The following SCARA3 variants were observed in gnomAD, a reference collection of about 807,000 sequenced individuals.
SCARA3 encodes cellular stress response gene protein.
Under a neutral mutation model 47.0 loss-of-function variants are expected in SCARA3, and 39 were observed. That is an observed-to-expected ratio of 0.83 (90% confidence interval 0.64 to 1.08). SCARA3 has a LOEUF of 1.08. Ranked by LOEUF, SCARA3 falls within the 50% of genes least tolerant of loss-of-function variation. SCARA3 has a pLI of 0.00. For synonymous variants in SCARA3, 356 were observed against 334.1 expected (o/e 1.07, Z -0.71); for missense variants, 724 against 792.3 (o/e 0.91, Z 1.04).
chr8:27,727,311 C>A, the SCARA3 span, among the ~76,000 whole-genome samples: 2 of 152,198 alleles, frequency 1.3e-5, no homozygotes, highest in Non-Finnish European at 1.5e-5. Flanking sequence ...AGCTTTGAAA[C>A]CCCCCTTGAA....
chr8:27,639,442 GTTGGAT>G (rs1801334139), intron 1 of SCARA3, among the ~76,000 whole-genome samples: 1 of 152,166 alleles, frequency 6.6e-6, no homozygotes, highest in Non-Finnish European at 1.5e-5. Context: ...GTGGGGAGGA[GTTGGAT>G]GGGGTCAGTG....
At chr8:27,664,208 AT>A (rs1235947021) in intron 5 of SCARA3, among the ~76,000 whole-genome samples, 24 of 152,230 alleles carry the variant, frequency 1.6e-4, no homozygotes, top group African/African-American at 5.3e-4. Context: ...CTAGGGCACA[AT>A]GTTCCAGGGA....
intron 5 of SCARA3, among the ~76,000 whole-genome samples, chr8:27,669,659 G>A (rs1026860573): frequency 2.0e-5 from 3 of 152,270 alleles, no homozygotes; most frequent in South Asian, 2.1e-4. Context: ...TCCCCGTGGC[G>A]GGAGGTGGGC....
chr8:27,661,801 T>C (rs1362103403), intron 5 of SCARA3, among the ~76,000 whole-genome samples: 1 of 152,148 alleles, frequency 6.6e-6, no homozygotes, highest in Non-Finnish European at 1.5e-5. Context: ...GTCTGGGCTA[T>C]AGTATTTCTA....
the SCARA3 span, among the ~76,000 whole-genome samples, chr8:27,708,295 G>A: frequency 2.0e-5 from 3 of 152,054 alleles, no homozygotes; most frequent in Non-Finnish European, 2.9e-5. Flanking sequence ...TGAAAATATG[G>A]GCAATTAATA....
the SCARA3 span, among the ~76,000 whole-genome samples, chr8:27,693,665 C>G: frequency 1.3e-5 from 2 of 152,276 alleles, no homozygotes; most frequent in African/African-American, 4.8e-5. Flanking sequence ...CCTCATTATA[C>G]CCCTCAGCAT....
At chr8:27,648,095 C>T (rs1321206451) in intron 1 of SCARA3, among the ~76,000 whole-genome samples, 1 of 152,258 alleles carries the variant, frequency 6.6e-6, no homozygotes, top group East Asian at 1.9e-4. Flanking sequence ...TTTGTGGAAC[C>T]TTTGCTCATT....
chr8:27,678,378 A>G (rs1255684583), downstream of SCARA3, among the ~76,000 whole-genome samples: 1 of 152,220 alleles, frequency 6.6e-6, no homozygotes, highest in African/African-American at 2.4e-5. Flanking sequence ...AAAGGATAGT[A>G]ACAGAATATT....
chr8:27,720,417 C>T, the SCARA3 span, among the ~76,000 whole-genome samples: 1 of 152,130 alleles, frequency 6.6e-6, no homozygotes, highest in Non-Finnish European at 1.5e-5. Context: ...GTGACCCTAC[C>T]ACTTAAGCTT....
chr8:27,681,578 C>T (rs1802356745), downstream of SCARA3, among the ~76,000 whole-genome samples: 1 of 152,018 alleles, frequency 6.6e-6, no homozygotes, highest in Non-Finnish European at 1.5e-5. Context: ...AAATAATAGC[C>T]AGGTGTGGTG....
chr8:27,691,600 T>C, the SCARA3 span, among the ~76,000 whole-genome samples: 3 of 152,182 alleles, frequency 2.0e-5, no homozygotes, highest in African/African-American at 7.2e-5. Context: ...ATCCTACCTC[T>C]GGCAATTCCT....
chr8:27,676,724 G>A, downstream of SCARA3: 14 of 561,952 alleles, frequency 2.5e-5, no homozygotes, highest in South Asian at 7.2e-5. Flanking sequence ...AGCCAATTGT[G>A]GTACATGAAA....
chr8:27,640,950 G>A (rs1207291730), intron 1 of SCARA3, among the ~76,000 whole-genome samples: 1 of 152,200 alleles, frequency 6.6e-6, no homozygotes, highest in Non-Finnish European at 1.5e-5. Flanking sequence ...TCCTGCCTTA[G>A]CCTCCCAAAA....
At chr8:27,660,505 ATAGG>A (rs1270437842) in intron 5 of SCARA3, among the ~76,000 whole-genome samples, 2 of 147,332 alleles carry the variant, frequency 1.4e-5, no homozygotes, top group East Asian at 2.1e-4. Flanking sequence ...AGATAGATAG[ATAGG>A]ATAGAGATAA....
At chr8:27,683,054 C>T in the SCARA3 span, among the ~76,000 whole-genome samples, 8 of 151,808 alleles carry the variant, frequency 5.3e-5, no homozygotes, top group African/African-American at 1.9e-4. Context: ...AAACAAATGT[C>T]GATCATCAGG....
intron 4 of SCARA3, among the ~76,000 whole-genome samples, chr8:27,658,051 G>GTATTGGTATA (rs1801780316): frequency 6.6e-6 from 1 of 152,170 alleles, no homozygotes; most frequent in African/African-American, 2.4e-5. Flanking sequence ...GAAGGTTCTG[G>GTATTGGTATA]TCTGGCACCA....
At chr8:27,729,837 G>A in the SCARA3 span, among the ~76,000 whole-genome samples, 1 of 152,160 alleles carries the variant, frequency 6.6e-6, no homozygotes. Flanking sequence ...AAAAGGAGCA[G>A]AGCTGTATCC....
Position 27,671,573 on chromosome 8 carries a change from C to T in SCARA3, c.*222C>T, listed in dbSNP as rs1328872048. 5 of 1,262,736 alleles carry T rather than the reference C, an allele frequency of 4.0e-6. No homozygotes were observed. The highest frequency in any genetic ancestry group is 5.0e-6 in the Non-Finnish European group (5 of 1,007,126). The allele number at this position is 1,262,736 out of a possible 1,614,324, so 78.2% of individuals were successfully genotyped here. ...GTGCACATGCACACACATGCATGCA[C>T]ACACATGCACACATACACGCACATG... On this transcript the variant is annotated 3_prime_UTR_variant, in exon 6 of 6. Coordinates refer to ENST00000301904, the MANE Select transcript of SCARA3 (RefSeq NM_016240.3).
the SCARA3 span, among the ~76,000 whole-genome samples, chr8:27,688,323 A>C: frequency 1.3e-5 from 2 of 152,000 alleles, no homozygotes; most frequent in African/African-American, 4.8e-5. Flanking sequence ...ATGACTTATG[A>C]TGGGGAAGGA....
Sources: allele counts gnomAD v4.1 joint callset (sites outside exome capture counted in the v4.1 genomes callset), GRCh38; gene constraint gnomAD v4.1.1; transcripts MANE v1.5; gene names NCBI Gene and HGNC (gene_info 2026-07-23, HGNC 2026-07-21).